The following HHAT variants were observed in gnomAD, a reference collection of about 807,000 sequenced individuals.
HHAT encodes the protein protein-cysteine N-palmitoyltransferase HHAT.
HHAT carries 47 observed loss-of-function variants against 70.8 expected under a neutral mutation model. The observed-to-expected ratio is 0.66, with a 90% CI of 0.53 to 0.85. The LOEUF is 0.85. HHAT is among the 40% of genes least tolerant of loss of function. The pLI, the probability that HHAT is intolerant of heterozygous loss-of-function variation, is 0.00. For synonymous variants in HHAT, 228 were observed against 247.6 expected (o/e 0.92, Z 0.74); for missense variants, 609 against 604.8 (o/e 1.01, Z -0.07).
intron 6 of HHAT, among the ~76,000 whole-genome samples, chr1:210,410,447 G>GT (rs34599460): frequency 0.053 from 6,277 of 119,206 alleles, 252 homozygotes; most frequent in African/African-American, 0.13. Flanking sequence ...AAAACCTTTT[G>GT]TTTTTTTTTT....
intron 9 of HHAT, among the ~76,000 whole-genome samples, chr1:210,521,468 A>G (rs2095156804): frequency 1.3e-5 from 2 of 152,310 alleles, no homozygotes; most frequent in South Asian, 4.1e-4. Flanking sequence ...GCAGAACAGA[A>G]TTATTATTTG....
intron 7 of HHAT, among the ~76,000 whole-genome samples, chr1:210,424,972 A>G (rs932820651): frequency 7.2e-5 from 11 of 152,224 alleles, no homozygotes; most frequent in Admixed American, 5.2e-4. Flanking sequence ...CCAACAGTGT[A>G]TAAGTGTTCC....
At chr1:210,595,151 T>C (rs946982007) in intron 10 of HHAT, among the ~76,000 whole-genome samples, 1 of 152,074 alleles carries the variant, frequency 6.6e-6, no homozygotes, top group Admixed American at 6.5e-5. Context: ...GTGTGTGATG[T>C]TCCCCTTCCT....
chr1:210,630,478 A>G (rs147381437), intron 11 of HHAT, among the ~76,000 whole-genome samples: 552 of 152,374 alleles, frequency 3.6e-3, no homozygotes, highest in African/African-American at 0.012. Flanking sequence ...CCCTGTCAAA[A>G]GAAATAATAA....
intron 1 of HHAT, among the ~76,000 whole-genome samples, chr1:210,336,205 C>T (rs1442102419): frequency 6.6e-6 from 1 of 151,816 alleles, no homozygotes; most frequent in Non-Finnish European, 1.5e-5. Context: ...CTGCAACCTC[C>T]CTGACCTGGG....
intron 9 of HHAT, among the ~76,000 whole-genome samples, chr1:210,518,788 C>T (rs572398844): frequency 4.6e-5 from 7 of 152,226 alleles, no homozygotes; most frequent in East Asian, 1.9e-4. Context: ...AGCAAGACAC[C>T]GTCTCAAAAA....
chr1:210,427,413 C>A (rs1481805216), intron 7 of HHAT, among the ~76,000 whole-genome samples: 1 of 152,088 alleles, frequency 6.6e-6, no homozygotes, highest in Non-Finnish European at 1.5e-5. Context: ...AACTTGAGAT[C>A]TTTCTAACTT....
chr1:210,669,848 T>TGG (rs918478473), intron 11 of HHAT, among the ~76,000 whole-genome samples: 4 of 152,158 alleles, frequency 2.6e-5, no homozygotes, highest in Non-Finnish European at 5.9e-5. Context: ...GCCACATTAA[T>TGG]GGGGAGAGAG....
chr1:210,411,574 T>C (rs2092555663), intron 6 of HHAT, among the ~76,000 whole-genome samples: 1 of 150,312 alleles, frequency 6.7e-6, no homozygotes, highest in Non-Finnish European at 1.5e-5. Context: ...GGCAACACGG[T>C]GAAACTCAGC....
chr1:210,534,261 T>G (rs529405337), intron 9 of HHAT, among the ~76,000 whole-genome samples: 1 of 152,198 alleles, frequency 6.6e-6, no homozygotes, highest in African/African-American at 2.4e-5. Flanking sequence ...TCAAACTTGA[T>G]ACTGTGTCAC....
At chr1:210,440,632 G>A (rs1293319990) in intron 7 of HHAT, among the ~76,000 whole-genome samples, 3 of 151,812 alleles carry the variant, frequency 2.0e-5, no homozygotes, top group Non-Finnish European at 4.4e-5. Context: ...GTGTTTTGTG[G>A]AATTGTCTAC....
intron 3 of HHAT, among the ~76,000 whole-genome samples, chr1:210,385,119 A>G (rs2148130908): frequency 6.9e-6 from 1 of 145,466 alleles, no homozygotes; most frequent in African/African-American, 2.5e-5. Flanking sequence ...GTTTTGTTGT[A>G]TTATATCCTT....
At chr1:210,374,171 G>A (rs551619875) in intron 3 of HHAT, 16 of 152,274 alleles carry the variant, frequency 1.1e-4, no homozygotes, top group African/African-American at 2.9e-4. Context: ...CCCAGGGCAA[G>A]GCTTACAAAA....
chr1:210,383,477 G>A (rs2090811928), intron 3 of HHAT, among the ~76,000 whole-genome samples: 1 of 152,206 alleles, frequency 6.6e-6, no homozygotes, highest in South Asian at 2.1e-4. Flanking sequence ...AGGGGAGCAG[G>A]GCCAGGGTGG....
chr1:210,420,675 CAAAA>C (rs35291878), intron 7 of HHAT, among the ~76,000 whole-genome samples: 4,554 of 143,236 alleles, frequency 0.032, 239 homozygotes, highest in African/African-American at 0.11. Context: ...TTTAAAAAAA[CAAAA>C]AAAAAAACAA....
chr1:210,535,689 GCATGCGTGCATC>G (rs1206341236), intron 9 of HHAT, among the ~76,000 whole-genome samples: 1 of 152,136 alleles, frequency 6.6e-6, no homozygotes, highest in Non-Finnish European at 1.5e-5. Context: ...ATGCGTGCAT[GCATGCGTGCATC>G]CCTTCTTGTG....
At chr1:210,609,152 A>G (rs1418267733) in intron 10 of HHAT, among the ~76,000 whole-genome samples, 4 of 152,164 alleles carry the variant, frequency 2.6e-5, no homozygotes, top group Non-Finnish European at 4.4e-5. Context: ...AAAGCCTAAC[A>G]ATATCACTAT....
intron 3 of HHAT, among the ~76,000 whole-genome samples, chr1:210,378,469 C>T (rs1472885520): frequency 6.6e-6 from 1 of 152,022 alleles, no homozygotes; most frequent in African/African-American, 2.4e-5. Context: ...ATACTGTTTT[C>T]TCTGAAGGAA....
Position 210,490,065 on chromosome 1 carries a change from CTG to C in HHAT, c.1008-23086_1008-23085del, listed in dbSNP as rs139954991. ...TGAGTTAAAAAAGAAAAAAAAGTAA[CTG>C]TAAAATTCCTCAATTGTTTTTAGAT... On this transcript the variant is annotated intron_variant, in intron 8 of 11. Transcript: ENST00000261458. 8.7e-3 allele frequency among the ~76,000 whole-genome samples: 1,329 copies of C among 152,238 alleles called. 25 individuals are homozygous for C. Among genetic ancestry groups the C allele is most frequent in the African/African-American group, 0.03 (1,252 of 41,522 alleles).
Sources: gnomAD v4.1 joint callset for allele counts (sites outside exome capture counted in the v4.1 genomes callset) on GRCh38, gnomAD v4.1.1 for gene constraint, MANE v1.5 for transcripts, NCBI Gene and HGNC (gene_info 2026-07-23, HGNC 2026-07-21) for gene names.